The following CRPPA variants were observed in gnomAD, a reference collection of about 807,000 sequenced individuals.
CRPPA encodes the protein D-ribitol-5-phosphate cytidylyltransferase.
Under a neutral mutation model 52.0 loss-of-function variants are expected in CRPPA, and 43 were observed. That is an observed-to-expected ratio of 0.83 (90% confidence interval 0.65 to 1.07). The LOEUF (loss-of-function observed/expected upper bound fraction) is 1.07. Among genes scored for constraint, CRPPA ranks in the 50% least tolerant of loss-of-function variants. The pLI is 0.00. For synonymous variants in CRPPA, 250 were observed against 203.5 expected (o/e 1.23, Z -1.94); for missense variants, 629 against 551.7 (o/e 1.14, Z -1.40).
At chr7:16,408,261 G>C (rs1788002203) in intron 1 of CRPPA, among the ~76,000 whole-genome samples, 1 of 152,208 alleles carries the variant, frequency 6.6e-6, no homozygotes, top group Non-Finnish European at 1.5e-5. Flanking sequence ...ACAGCATGTA[G>C]GCTGAGTAGC....
chr7:16,138,208 A>C (rs959461935), intron 9 of CRPPA, among the ~76,000 whole-genome samples: 3 of 152,208 alleles, frequency 2.0e-5, no homozygotes, highest in African/African-American at 7.2e-5. Flanking sequence ...TTTCTAAAGA[A>C]TGTATGCTGT....
intron 2 of CRPPA, among the ~76,000 whole-genome samples, chr7:16,376,765 C>G (rs1249311842): frequency 6.6e-6 from 1 of 152,222 alleles, no homozygotes; most frequent in Non-Finnish European, 1.5e-5. Flanking sequence ...CTGTCAAACA[C>G]AGTCTCCATG....
intron 9 of CRPPA, among the ~76,000 whole-genome samples, chr7:16,160,712 T>C (rs1161636858): frequency 1.3e-5 from 2 of 152,196 alleles, no homozygotes; most frequent in Non-Finnish European, 2.9e-5. Context: ...AAGTCAGTGG[T>C]AGCTTGATGG....
At chr7:16,151,446 C>G (rs149707545) in intron 9 of CRPPA, among the ~76,000 whole-genome samples, 2 of 152,174 alleles carry the variant, frequency 1.3e-5, no homozygotes, top group African/African-American at 4.8e-5. Flanking sequence ...CAAAGGCACT[C>G]TGTTCACAGA....
At chr7:16,310,722 T>C (rs568201257) in intron 3 of CRPPA, among the ~76,000 whole-genome samples, 27 of 152,136 alleles carry the variant, frequency 1.8e-4, no homozygotes, top group African/African-American at 4.3e-4. Context: ...ATGAACAACA[T>C]TGAATTTCCA....
At chr7:16,397,562 C>T (rs1787635598) in intron 2 of CRPPA, among the ~76,000 whole-genome samples, 1 of 151,300 alleles carries the variant, frequency 6.6e-6, no homozygotes, top group South Asian at 2.1e-4. Context: ...TGTGATGTGA[C>T]CAATTTGACT....
rs191189680 is a variant in CRPPA at position 16,366,584 on chromosome 7, T to A, written c.684+9508A>T. 2.5e-3 allele frequency among the ~76,000 whole-genome samples: 386 copies of A among 152,178 alleles called. 1 individual carries two copies. The highest frequency in any genetic ancestry group is 3.5e-3 in the Non-Finnish European group (240 of 67,990). On this transcript the variant is annotated intron_variant, in intron 3 of 9. Transcript: ENST00000407010. ...ATGAACTGAAAACAGATAAAAGTAA[T>A]TTATGCTTTTAGGCTAATGGTTGAG...
intron 2 of CRPPA, among the ~76,000 whole-genome samples, chr7:16,400,658 G>T (rs978228643): frequency 6.6e-6 from 1 of 152,104 alleles, no homozygotes; most frequent in African/African-American, 2.4e-5. Flanking sequence ...TGACTGACAC[G>T]TGTCCATAAC....
At chr7:16,358,343 A>C (rs934900324) in intron 3 of CRPPA, among the ~76,000 whole-genome samples, 1 of 152,238 alleles carries the variant, frequency 6.6e-6, no homozygotes, top group South Asian at 2.1e-4. Context: ...TACAGGGTCC[A>C]GCAGACAATG....
chr7:16,339,508 A>G (rs1785769110), intron 3 of CRPPA, among the ~76,000 whole-genome samples: 1 of 152,226 alleles, frequency 6.6e-6, no homozygotes, highest in South Asian at 2.1e-4. Flanking sequence ...CCCACTTATG[A>G]TAACAAGTCA....
chr7:16,107,435 C>T (rs770327491), intron 9 of CRPPA, among the ~76,000 whole-genome samples: 1 of 151,812 alleles, frequency 6.6e-6, no homozygotes, highest in Non-Finnish European at 1.5e-5. Flanking sequence ...TCAGCAGAAA[C>T]CTTGTATGCC....
intron 3 of CRPPA, among the ~76,000 whole-genome samples, chr7:16,353,839 G>C (rs4236287): frequency 0.25 from 35,843 of 145,986 alleles, 4,781 homozygotes; most frequent in South Asian, 0.51. Flanking sequence ...GACAAAGTGA[G>C]ACTCCATCTC....
chr7:16,399,292 T>C (rs1175487619), intron 2 of CRPPA, among the ~76,000 whole-genome samples: 2 of 152,050 alleles, frequency 1.3e-5, no homozygotes, highest in African/African-American at 2.4e-5. Context: ...ACGATTGACG[T>C]GTGATCAACA....
At chr7:16,198,031 C>T (rs1353155541) in intron 9 of CRPPA, among the ~76,000 whole-genome samples, 1 of 120,024 alleles carries the variant, frequency 8.3e-6, no homozygotes, top group Non-Finnish European at 1.7e-5. Context: ...GCCGCAGGGA[C>T]CTCTGCCTAG....
intron 3 of CRPPA, among the ~76,000 whole-genome samples, chr7:16,338,307 C>T (rs999041497): frequency 1.3e-5 from 2 of 152,148 alleles, no homozygotes; most frequent in Admixed American, 6.5e-5. Flanking sequence ...GATCTTGATA[C>T]ATGCAGAAAA....
chr7:16,169,019 T>G (rs2128384640), intron 9 of CRPPA, among the ~76,000 whole-genome samples: 1 of 152,292 alleles, frequency 6.6e-6, no homozygotes, highest in East Asian at 1.9e-4. Context: ...TAGGAAAGTT[T>G]ATGAATGTAA....
intron 8 of CRPPA, among the ~76,000 whole-genome samples, chr7:16,227,975 C>T (rs376587608): frequency 1.3e-5 from 2 of 151,850 alleles, no homozygotes; most frequent in African/African-American, 4.8e-5. Flanking sequence ...TTCAGTTATC[C>T]CAACAACATT....
intron 3 of CRPPA, among the ~76,000 whole-genome samples, chr7:16,349,609 G>C (rs1381534121): frequency 6.6e-6 from 1 of 151,988 alleles, no homozygotes; most frequent in African/African-American, 2.4e-5. Flanking sequence ...GAAATTAAAG[G>C]TGAAGAAAAT....
At chr7:16,216,292 CA>C in intron 8 of CRPPA, 95 bp from the exon 9 acceptor site, 2 of 700,360 alleles carry the variant, frequency 2.9e-6, no homozygotes, top group Non-Finnish European at 4.6e-6. Context: ...CATATGATTA[CA>C]ATATTGCAAT....
Sources: gnomAD v4.1 joint callset for allele counts (sites outside exome capture counted in the v4.1 genomes callset) on GRCh38, gnomAD v4.1.1 for gene constraint, MANE v1.5 for transcripts, NCBI Gene and HGNC (gene_info 2026-07-23, HGNC 2026-07-21) for gene names.